ZNF365: variants seen among roughly 807,000 people sequenced by gnomAD.
The protein encoded by ZNF365 is zinc finger protein 365, also known as protein ZNF365.
Under a neutral mutation model 35.0 loss-of-function variants are expected in ZNF365, and 22 were observed. That is an observed-to-expected ratio of 0.63 (90% confidence interval 0.45 to 0.90). The LOEUF (loss-of-function observed/expected upper bound fraction) is 0.90. ZNF365 is among the 40% of genes least tolerant of loss of function. The pLI is 0.00. For missense variants in ZNF365, 448 were observed against 500.3 expected, an observed-to-expected ratio of 0.90 and a Z score of 1.00; for synonymous variants, 188 against 196.2, an observed-to-expected ratio of 0.96 and a Z score of 0.35.
chr10:62,376,948 T>C lies in ZNF365; in HGVS notation c.743+12T>C, dbSNP rs1397863946. 6.3e-6 allele frequency: 10 copies of C among 1,589,512 alleles called. No homozygotes were observed. In the South Asian group the frequency reaches 1.0e-4, roughly 16 times the overall value. On this transcript the variant is annotated intron_variant, in intron 2 of 4. Coordinates refer to ENST00000395254, the MANE Select transcript of ZNF365 (RefSeq NM_014951.3). ...CTTAGGAAAGAAGAGTAAGTGTTGCTGACAGGGGATGCTAACCCCATTGCT... is the reference window on the plus strand; with the variant it reads ...CTTAGGAAAGAAGAGTAAGTGTTGCCGACAGGGGATGCTAACCCCATTGCT...
intron 4 of ZNF365, among the ~76,000 whole-genome samples, chr10:62,461,245 C>T (rs553721265): frequency 6.6e-6 from 1 of 152,336 alleles, no homozygotes; most frequent in South Asian, 2.1e-4. Context: ...TCAGCTTTCG[C>T]AGGGCGTTCT....
exon 5 of ZNF365, chr10:62,480,236 T>G: frequency 7.7e-6 from 8 of 1,038,434 alleles, no homozygotes; most frequent in Non-Finnish European, 9.2e-6. Context: ...CTATTTAGCT[T>G]GGGACATGGC....
chr10:62,448,097 T>C (rs1840619477), intron 3 of ZNF365, among the ~76,000 whole-genome samples: 1 of 152,228 alleles, frequency 6.6e-6, no homozygotes, highest in Admixed American at 6.5e-5. Flanking sequence ...CAATTTCTTT[T>C]TGTTGCATTT....
intron 3 of ZNF365, among the ~76,000 whole-genome samples, chr10:62,432,253 ATTTTAGGAGAGCAGT>A (rs964601141): frequency 2.0e-4 from 30 of 152,260 alleles, no homozygotes; most frequent in Middle Eastern, 3.4e-3. Context: ...CAAATAAGAT[ATTTTAGGAGAGCAGT>A]TTTTAGGAGA....
At chr10:62,434,124 G>A (rs574082390) in intron 3 of ZNF365, among the ~76,000 whole-genome samples, 14 of 152,300 alleles carry the variant, frequency 9.2e-5, no homozygotes, top group African/African-American at 2.9e-4. Flanking sequence ...GTCGGAATCC[G>A]AATCAGCAGG....
At chr10:62,388,039 C>T (rs1839553046) in intron 2 of ZNF365, among the ~76,000 whole-genome samples, 1 of 152,200 alleles carries the variant, frequency 6.6e-6, no homozygotes, top group Non-Finnish European at 1.5e-5. Flanking sequence ...GCTTCTTCCA[C>T]AGGTCTCTGT....
At chr10:62,461,526 G>C (rs960214553) in intron 4 of ZNF365, among the ~76,000 whole-genome samples, 1 of 152,158 alleles carries the variant, frequency 6.6e-6, no homozygotes, top group African/African-American at 2.4e-5. Flanking sequence ...ACCGTGTTCC[G>C]CACGGAGCTT....
At chr10:62,383,126 C>T (rs765126833) in intron 2 of ZNF365, among the ~76,000 whole-genome samples, 6 of 152,136 alleles carry the variant, frequency 3.9e-5, no homozygotes, top group Non-Finnish European at 7.3e-5. Flanking sequence ...TAATGATTTT[C>T]GAGTAGAGAT....
intron 4 of ZNF365, among the ~76,000 whole-genome samples, chr10:62,472,693 G>T (rs540152949): frequency 6.6e-6 from 1 of 152,276 alleles, no homozygotes; most frequent in East Asian, 1.9e-4. Context: ...AAGCCATTTG[G>T]TGTATGGTGC....
intron 4 of ZNF365, among the ~76,000 whole-genome samples, chr10:62,474,280 A>G (rs1841092004): frequency 6.6e-6 from 1 of 152,236 alleles, no homozygotes; most frequent in Non-Finnish European, 1.5e-5. Context: ...CTCTTAGCCT[A>G]GAAAAACAGC....
intron 4 of ZNF365, among the ~76,000 whole-genome samples, chr10:62,472,232 T>C (rs1035538407): frequency 2.0e-5 from 3 of 152,182 alleles, no homozygotes; most frequent in South Asian, 2.1e-4. Context: ...CTGAGAAAAT[T>C]TGTTGTTCTA....
At chr10:62,438,478 A>G (rs114329204) in intron 3 of ZNF365, among the ~76,000 whole-genome samples, 2,536 of 152,214 alleles carry the variant, frequency 0.017, 73 homozygotes, top group African/African-American at 0.058. Context: ...ATGAGCTACC[A>G]TGCCCAGCCA....
intron 2 of ZNF365, among the ~76,000 whole-genome samples, chr10:62,378,581 A>C (rs1304165167): frequency 6.6e-6 from 1 of 152,230 alleles, no homozygotes; most frequent in African/African-American, 2.4e-5. Flanking sequence ...AAACTTGAAT[A>C]GGAGAGAATT....
intron 4 of ZNF365, among the ~76,000 whole-genome samples, chr10:62,472,722 C>T (rs1456263224): frequency 1.3e-5 from 2 of 152,110 alleles, no homozygotes; most frequent in Non-Finnish European, 1.5e-5. Flanking sequence ...GATGGCAGCC[C>T]TAGCAAACTA....
intron 4 of ZNF365, among the ~76,000 whole-genome samples, chr10:62,478,970 A>G (rs921396671): frequency 1.8e-4 from 27 of 152,200 alleles, no homozygotes; most frequent in African/African-American, 6.5e-4. Context: ...TTTCATATCT[A>G]CTTGATTCTT....
intron 3 of ZNF365, among the ~76,000 whole-genome samples, chr10:62,449,844 C>G (rs949765083): frequency 8.2e-5 from 12 of 147,122 alleles, no homozygotes; most frequent in Non-Finnish European, 1.6e-4. Flanking sequence ...AACATTTGAA[C>G]TGTACTGTAC....
intron 3 of ZNF365, among the ~76,000 whole-genome samples, chr10:62,441,450 G>T (rs950286006): frequency 6.6e-6 from 1 of 152,078 alleles, no homozygotes; most frequent in Admixed American, 6.5e-5. Flanking sequence ...TTATTTTATA[G>T]ATAAGAAAAT....
chr10:62,442,041 C>G (rs1006044146), intron 3 of ZNF365, among the ~76,000 whole-genome samples: 3 of 152,184 alleles, frequency 2.0e-5, no homozygotes, highest in African/African-American at 7.2e-5. Context: ...ACATGCTTAG[C>G]AAACGTGATC....
At chr10:62,398,249 A>G (rs537087089) in intron 3 of ZNF365, among the ~76,000 whole-genome samples, 5 of 152,236 alleles carry the variant, frequency 3.3e-5, no homozygotes, top group Non-Finnish European at 4.4e-5. Context: ...TATGTGAACC[A>G]TGGAATACTA....
Sources: gnomAD v4.1 joint callset for allele counts (sites outside exome capture counted in the v4.1 genomes callset) on GRCh38, gnomAD v4.1.1 for gene constraint, MANE v1.5 for transcripts, NCBI Gene and HGNC (gene_info 2026-07-23, HGNC 2026-07-21) for gene names.